Variants in PHACTR2 observed in about 807,000 individuals in gnomAD.
PHACTR2 encodes the protein chromosome 6 open reading frame 56.
In PHACTR2, 30 loss-of-function variants were observed where a neutral mutation model predicts 76.0. The ratio of observed to expected loss-of-function variants is 0.39; its 90% confidence interval spans 0.30 to 0.54. PHACTR2 has a LOEUF of 0.54. Ranked by LOEUF, PHACTR2 falls within the 20% of genes least tolerant of loss-of-function variation. The pLI is 0.61. For synonymous variants in PHACTR2, 292 were observed against 292.5 expected, an observed-to-expected ratio of 1.00 and a Z score of 0.02; for missense variants, 696 against 781.1, an observed-to-expected ratio of 0.89 and a Z score of 1.30.
In PHACTR2 at chr6:143,641,210, A is replaced by C. The variant is rs1410696357; in HGVS notation, c.13+32888A>C. 6.6e-6 allele frequency among the ~76,000 whole-genome samples: 1 copy of C among 152,224 alleles called. No individual in the cohort carries two copies. The highest frequency in any genetic ancestry group is 6.5e-5 in the Admixed American group (1 of 15,286). On this transcript the variant is annotated intron_variant, in intron 1 of 11. Transcript: ENST00000305766. This position sits in a 1 kb window ranked among gnomAD's most constrained non-coding sequence, Gnocchi z 5.8. ...TTTGCAGTGGAGACCTCATGGCTTA[A>C]TCATGATTTAAAGGTCCCACCTCTT...
rs116469913 is a variant in PHACTR2 at position 143,618,147 on chromosome 6, C to T, written c.13+9825C>T. ...GTACCAAGAGGCTGGGTCAGAGCCA[C>T]GATTAGACATCGATGCTATATTTGC... On this transcript the variant is annotated intron_variant, in intron 1 of 11. Coordinates refer to the PHACTR2 transcript ENST00000305766. This position sits in a 1 kb window ranked among gnomAD's most constrained non-coding sequence, Gnocchi z 5.2. Among the ~76,000 whole-genome samples the T allele has an allele frequency of 8.1e-3, 1,226 of 152,182 alleles. 11 individuals are homozygous for T. The highest frequency in any genetic ancestry group is 0.028 in the African/African-American group (1,165 of 41,510).
Position 143,771,194 on chromosome 6 carries a change from GTATATATA to G in PHACTR2, c.1233-1030_1233-1023del, listed in dbSNP as rs769993035. Among the ~76,000 whole-genome samples, 108 of 40,474 alleles carry G rather than the reference GTATATATA, an allele frequency of 2.7e-3. 2 individuals carry two copies. Among genetic ancestry groups the G allele is most frequent in the South Asian group, 6.4e-3 (8 of 1,256 alleles). 26.6% of individuals were successfully genotyped at this position (40,474 alleles called of 152,430 possible). The stretch of plus-strand genomic sequence containing the variant: ...TATATGTATATATATATATATGTGT[GTATATATA>G]TATATATATATATATATATATATAT... On this transcript the variant is annotated intron_variant, in intron 6 of 12. Coordinates refer to ENST00000440869, the MANE Select transcript of PHACTR2 (RefSeq NM_001100164.2).
Position 143,806,998 on chromosome 6 carries a change from A to G in PHACTR2, c.1846-59A>G, listed in dbSNP as rs1776079679. 1.1e-6 allele frequency: 1 copy of G among 897,140 alleles called. No individual in the cohort carries two copies. Among genetic ancestry groups the G allele is most frequent in the Non-Finnish European group, 1.8e-6 (1 of 554,676 alleles). The allele number at this position is 897,140 out of a possible 1,614,324, so 55.6% of individuals were successfully genotyped here. ...GGTCTGCTTCATTGATGCTGTATAT[A>G]CTGGGGCAATATATGACCTAAATAA... On this transcript the variant is annotated intron_variant, in intron 11 of 12. Transcript: ENST00000440869. This position sits in a 1 kb window ranked among gnomAD's most constrained non-coding sequence, Gnocchi z 5.8.
intron 1 of PHACTR2, among the ~76,000 whole-genome samples, chr6:143,609,397 T>C (rs996267289): frequency 7.6e-5 from 11 of 144,042 alleles, no homozygotes; most frequent in Non-Finnish European, 1.4e-4. Flanking sequence ...TGAAATAAAG[T>C]GGAACAGTAT....
chr6:143,709,261 G>A lies in PHACTR2; in HGVS notation c.47-2755G>A, dbSNP rs887108313. Among the ~76,000 whole-genome samples, 2 of 152,188 alleles carry A rather than the reference G, an allele frequency of 1.3e-5. No individual in the cohort carries two copies. The highest frequency in any genetic ancestry group is 4.8e-5 in the African/African-American group (2 of 41,446). On this transcript the variant is annotated intron_variant, in intron 1 of 12. Transcript: ENST00000440869. This position sits in a 1 kb window ranked among gnomAD's most constrained non-coding sequence, Gnocchi z 4.4. Reference sequence around the variant, plus strand: ...ACCACTTTCAGAAGAATCAGTTAGCGTAGGACTTGAATCTCCAATTTTCCC... The same window carrying A: ...ACCACTTTCAGAAGAATCAGTTAGCATAGGACTTGAATCTCCAATTTTCCC...
rs957535508 is a variant in PHACTR2, at chr6:143,585,279, G to C, written c.217+48072G>C. 3.7e-4 allele frequency among the ~76,000 whole-genome samples: 57 copies of C among 152,306 alleles called. No homozygotes were observed. The highest frequency in any genetic ancestry group is 1.3e-3 in the African/African-American group (52 of 41,572). On this transcript the variant is annotated intron_variant, in intron 1 of 11. Transcript: ENST00000367584. This position sits in a 1 kb window ranked among gnomAD's most constrained non-coding sequence, Gnocchi z 5.2. ...GAGAAGGTGTTGGAAACCCAGCTAA[G>C]AAGTCACTGTCAGGAAGCAGGTCTG... is the stretch of plus-strand genomic sequence containing the variant.
chr6:143,618,493 G>A lies in PHACTR2; in HGVS notation c.13+10171G>A, dbSNP rs185539663. 6.6e-6 allele frequency among the ~76,000 whole-genome samples: 1 copy of A among 151,992 alleles called. No individual in the cohort carries two copies. The highest frequency in any genetic ancestry group is 2.4e-5 in the African/African-American group (1 of 41,432). Reference sequence around the variant, plus strand: ...ATGTTTGACTTAACTACCTCACATGGTCATGAGCGTCACTTGAGAAGGTGT... The same window carrying A: ...ATGTTTGACTTAACTACCTCACATGATCATGAGCGTCACTTGAGAAGGTGT... On this transcript the variant is annotated intron_variant, in intron 1 of 11. Coordinates refer to the PHACTR2 transcript ENST00000305766. The surrounding 1 kb of genome is among the most constrained non-coding windows in gnomAD (Gnocchi z 5.2).
rs1484213293 is a variant in PHACTR2, at chr6:143,794,833, TGAGCTTCCTTTCAGCCTAAAG to T, written c.1845+5927_1845+5947del. The stretch of plus-strand genomic sequence containing the variant: ...ACCAAACAAACAAACAAACAAAAAA[TGAGCTTCCTTTCAGCCTAAAG>T]GAGACATCTTTTTTCTTTCTCTTAT... On this transcript the variant is annotated intron_variant, in intron 11 of 12. Transcript: ENST00000440869. This position sits in a 1 kb window ranked among gnomAD's most constrained non-coding sequence, Gnocchi z 4.1. Among the ~76,000 whole-genome samples, 4 of 152,098 alleles carry T rather than the reference TGAGCTTCCTTTCAGCCTAAAG, an allele frequency of 2.6e-5. No individual in the cohort carries two copies.
At chr6:143,716,348 T>C (rs1037177199) in intron 2 of PHACTR2, among the ~76,000 whole-genome samples, 2 of 152,104 alleles carry the variant, frequency 1.3e-5, no homozygotes, top group Non-Finnish European at 2.9e-5. Flanking sequence ...CAGAAAGACT[T>C]GAACAGGGCC....
At chr6:143,798,587 T>TTC in intron 11 of PHACTR2, among the ~76,000 whole-genome samples, 2 of 152,248 alleles carry the variant, frequency 1.3e-5, no homozygotes, top group African/African-American at 4.8e-5. Context: ...ATACCTAGTT[T>TTC]AGCATGAAAG....
chr6:143,651,318 G>A (rs922054386), intron 1 of PHACTR2, among the ~76,000 whole-genome samples: 9 of 151,944 alleles, frequency 5.9e-5, no homozygotes, highest in South Asian at 2.1e-4. Flanking sequence ...AATACCATTC[G>A]ACCCAACAAT....
At position 143,822,428 on chromosome 6, in the gene PHACTR2, G is replaced by A. The variant is rs1380229732; in HGVS notation, c.1923-1246G>A. Among the ~76,000 whole-genome samples the A allele has an allele frequency of 6.6e-6, 1 of 152,170 alleles. No individual in the cohort carries two copies. Among genetic ancestry groups the A allele is most frequent in the Middle Eastern group, 3.2e-3 (1 of 316 alleles). On this transcript the variant is annotated intron_variant, in intron 12 of 12. Coordinates refer to ENST00000440869, the MANE Select transcript of PHACTR2 (RefSeq NM_001100164.2). The surrounding 1 kb of genome is among the most constrained non-coding windows in gnomAD (Gnocchi z 5.5). ...ACCTGTAATCACAGCACTGTGGAAG[G>A]CAAAGGTGGGCAAATCGCTTGAGAC...
At position 143,757,948 on chromosome 6, in the gene PHACTR2, C is replaced by T. The variant is rs925159735; in HGVS notation, c.455-2453C>T. Among the ~76,000 whole-genome samples the T allele has an allele frequency of 1.5e-5, 2 of 129,822 alleles. No individual in the cohort carries two copies. Among genetic ancestry groups the T allele is most frequent in the African/African-American group, 6.1e-5 (2 of 32,786 alleles). The allele number at this position is 129,822 out of a possible 152,430, so 85.2% of individuals were successfully genotyped here. A position where few individuals can be genotyped will look rare whatever the true frequency, so the allele number is the denominator to read the frequency against. On this transcript the variant is annotated intron_variant, in intron 4 of 12. Transcript: ENST00000440869. The surrounding 1 kb of genome is among the most constrained non-coding windows in gnomAD (Gnocchi z 4.2). ...ACTCATATGTCCCTGCGTGTGTGTGCATGCACACGTGCGCGCACACACACA... is the reference window on the plus strand; with the variant it reads ...ACTCATATGTCCCTGCGTGTGTGTGTATGCACACGTGCGCGCACACACACA...
chr6:143,706,236 C>T (rs1778050233), intron 1 of PHACTR2, among the ~76,000 whole-genome samples: 1 of 152,042 alleles, frequency 6.6e-6, no homozygotes, highest in East Asian at 1.9e-4. Flanking sequence ...CTTGAAGCAG[C>T]CTTTTCTGTA....
Position 143,811,931 on chromosome 6 carries a change from C to T in PHACTR2, c.1922+4798C>T, listed in dbSNP as rs962508417. On this transcript the variant is annotated intron_variant, in intron 12 of 12. Coordinates refer to ENST00000440869, the MANE Select transcript of PHACTR2 (RefSeq NM_001100164.2). This position sits in a 1 kb window ranked among gnomAD's most constrained non-coding sequence, Gnocchi z 4.1. ...AGCCTCTCTTGGGGAAAATAAACAC[C>T]TTATGAATCATTACCTTGCCCTTTC... is the stretch of plus-strand genomic sequence containing the variant. Among the ~76,000 whole-genome samples, 1 of 152,164 alleles carries T rather than the reference C, an allele frequency of 6.6e-6. No homozygotes were observed. The highest frequency in any genetic ancestry group is 1.5e-5 in the Non-Finnish European group (1 of 68,028).
intron 1 of PHACTR2, among the ~76,000 whole-genome samples, chr6:143,622,659 C>A (rs765984036): frequency 1.3e-5 from 2 of 152,090 alleles, no homozygotes; most frequent in South Asian, 4.1e-4. Context: ...CAAATGCAAA[C>A]GATGCAAAAT....
At chr6:143,770,423 G>T (rs1206750862) in intron 6 of PHACTR2, among the ~76,000 whole-genome samples, 2 of 152,176 alleles carry the variant, frequency 1.3e-5, no homozygotes, top group Admixed American at 6.5e-5. Context: ...AAGATGGTTG[G>T]TGGTGGTAGT....
intron 1 of PHACTR2, among the ~76,000 whole-genome samples, chr6:143,644,467 CAA>C (rs373621895): frequency 1.8e-5 from 2 of 111,534 alleles, no homozygotes; most frequent in African/African-American, 3.6e-5. Context: ...GACTCCATCT[CAA>C]AAAAAAAAAA....
chr6:143,613,199 T>G (rs1191247844), intron 1 of PHACTR2, among the ~76,000 whole-genome samples: 15 of 152,192 alleles, frequency 9.9e-5, no homozygotes, highest in Admixed American at 9.8e-4. Context: ...ATGGTCTCAG[T>G]CTCCCGACCT....
Sources: gnomAD v4.1 joint callset for allele counts (sites outside exome capture counted in the v4.1 genomes callset) on GRCh38, gnomAD v4.1.1 for gene constraint, Gnocchi (gnomAD v3.1) non-coding constraint, MANE v1.5 for transcripts, NCBI Gene and HGNC (gene_info 2026-07-23, HGNC 2026-07-21) for gene names.